CORO7: variants seen among roughly 807,000 people sequenced by gnomAD.
CORO7 encodes coronin-7.
Under a neutral mutation model 126.6 loss-of-function variants are expected in CORO7, and 107 were observed. The ratio of observed to expected loss-of-function variants is 0.85; its 90% confidence interval spans 0.72 to 0.99. The LOEUF (loss-of-function observed/expected upper bound fraction) is 0.99, where lower values mean the gene tolerates loss of function less well. Ranked by LOEUF, CORO7 falls within the 50% of genes least tolerant of loss-of-function variation. The pLI, the probability that CORO7 is intolerant of heterozygous loss-of-function variation, is 0.00. For missense variants in CORO7, 1,314 were observed against 1,255.8 expected (o/e 1.05, Z -0.70); for synonymous variants, 603 against 536.8 (o/e 1.12, Z -1.70).
intron 9 of CORO7, among the ~76,000 whole-genome samples, chr16:4,377,731 A>G (rs1346126174): frequency 6.6e-6 from 1 of 152,092 alleles, no homozygotes; most frequent in Non-Finnish European, 1.5e-5. Context: ...GTAGCTTACA[A>G]ACTCTGGGGT....
At chr16:4,385,189 A>G (rs1282401780) in intron 9 of CORO7, among the ~76,000 whole-genome samples, 1 of 152,154 alleles carries the variant, frequency 6.6e-6, no homozygotes, top group Non-Finnish European at 1.5e-5. Context: ...TGCTGACTGC[A>G]GCAGGCCCTG....
At chr16:4,364,225 G>A (rs369628790) in intron 14 of CORO7, 51 bp downstream of exon 14, 145 of 1,478,296 alleles carry the variant, frequency 9.8e-5, no homozygotes, top group Non-Finnish European at 1.2e-4. Flanking sequence ...AACACTCAGG[G>A]CAGCCACTGC....
At chr16:4,415,665 T>C (rs1183751276) in intron 1 of CORO7, 1 of 978,614 alleles carries the variant, frequency 1.0e-6, no homozygotes, top group African/African-American at 1.8e-5. Flanking sequence ...ATGGGGTCAC[T>C]TGAGGTCAAC....
chr16:4,372,382 G>A (rs986738398), intron 9 of CORO7, among the ~76,000 whole-genome samples: 7 of 152,246 alleles, frequency 4.6e-5, no homozygotes, highest in East Asian at 1.9e-4. Flanking sequence ...CCCTCCTGGG[G>A]TCCGGCAGTA....
intron 9 of CORO7, chr16:4,381,697 C>T (rs774961934): frequency 1.9e-5 from 31 of 1,608,104 alleles, no homozygotes; most frequent in Non-Finnish European, 2.6e-5. Flanking sequence ...TGTGAGCAAC[C>T]TAAGCCTGCA....
At chr16:4,357,902 T>C (rs1196783128) in intron 25 of CORO7, 66 bp downstream of exon 25, 8 of 1,541,734 alleles carry the variant, frequency 5.2e-6, no homozygotes, top group Non-Finnish European at 6.2e-6. Flanking sequence ...AACTTCAACC[T>C]GGGCCTTCTG....
intron 9 of CORO7, among the ~76,000 whole-genome samples, chr16:4,368,617 G>A (rs576020387): frequency 4.6e-5 from 7 of 151,422 alleles, no homozygotes; most frequent in East Asian, 2.0e-4. Flanking sequence ...GCATGGTGGC[G>A]TGCACCTGGA....
chr16:4,380,422 G>A (rs571638479), intron 9 of CORO7, among the ~76,000 whole-genome samples: 1 of 152,238 alleles, frequency 6.6e-6, no homozygotes, highest in African/African-American at 2.4e-5. Context: ...AGCAGGAGCC[G>A]GCGGCCAAGG....
At chr16:4,385,132 C>T (rs763395959) in intron 9 of CORO7, among the ~76,000 whole-genome samples, 40 of 152,198 alleles carry the variant, frequency 2.6e-4, no homozygotes, top group Non-Finnish European at 5.1e-4. Flanking sequence ...GACTCTAGGC[C>T]AGGGACCAGG....
At position 4,416,551 on chromosome 16, in the gene CORO7, G is replaced by A. The variant is rs771064655; in HGVS notation, c.-33C>T. 1.3e-6 allele frequency: 2 copies of A among 1,570,014 alleles called. No individual in the cohort carries two copies. The highest frequency in any genetic ancestry group is 2.8e-5 in the African/African-American group (2 of 70,638). On this transcript the variant is annotated 5_prime_UTR_variant, in exon 1 of 28. Transcript: ENST00000251166. ...GGCACGGCGGCGGACGCGTCTTCGA[G>A]GACCCCGGGCGTCGGGTCTCAGGTG...
chr16:4,399,478 T>C (rs2055723024), intron 6 of CORO7, among the ~76,000 whole-genome samples: 1 of 152,168 alleles, frequency 6.6e-6, no homozygotes. Flanking sequence ...GGAATGCCAA[T>C]TCCTAGGGGC....
chr16:4,403,474 G>A (rs1399768819), intron 6 of CORO7, among the ~76,000 whole-genome samples: 1 of 152,156 alleles, frequency 6.6e-6, no homozygotes, highest in Non-Finnish European at 1.5e-5. Context: ...CAGGGAAGGA[G>A]GGGGAGTCGT....
chr16:4,402,679 C>T (rs953495349), intron 6 of CORO7, among the ~76,000 whole-genome samples: 2 of 152,288 alleles, frequency 1.3e-5, no homozygotes, highest in African/African-American at 2.4e-5. Flanking sequence ...AGGAGCTTAA[C>T]GCGGGGTCCA....
chr16:4,363,469 G>C (rs1339680221), intron 14 of CORO7, among the ~76,000 whole-genome samples: 2 of 152,080 alleles, frequency 1.3e-5, no homozygotes, highest in East Asian at 3.9e-4. Context: ...CACTTTGGGA[G>C]GCCCAGGCAG....
chr16:4,407,716 G>T (rs369423080), intron 4 of CORO7, 32 bp from the exon 5 acceptor site: 1 of 1,534,530 alleles, frequency 6.5e-7, no homozygotes, highest in East Asian at 2.3e-5. Flanking sequence ...TGAGCACAGG[G>T]CTGAGGGCCT....
rs746150460 is a variant in CORO7 at position 4,364,737 on chromosome 16, C to T, written c.1044+38G>A. ...CTAGTGAGGCCCAGGCCCCCCGACT[C>T]CCCAGCCCCCGCAGTCCCTCGCCCA... On this transcript the variant is annotated intron_variant, in intron 12 of 27. Transcript: ENST00000251166. 1.4e-5 allele frequency: 23 copies of T among 1,596,178 alleles called. No homozygotes were observed. The Admixed American group carries it at 4.0e-4, about 27-fold the overall frequency.
At chr16:4,401,065 T>A (rs949428989) in intron 6 of CORO7, among the ~76,000 whole-genome samples, 4 of 152,082 alleles carry the variant, frequency 2.6e-5, no homozygotes, top group African/African-American at 9.7e-5. Flanking sequence ...CCCTGAGAGA[T>A]GAGTAGCCTC....
At position 4,408,269 on chromosome 16, in the gene CORO7, C is replaced by T; in HGVS notation, c.233-18G>A. ...GACTAGGTCTGTGGGAGAGGAATGG[C>T]TGAACCCACCGGAATGTCCTGTTTC... On this transcript the variant is annotated intron_variant, in intron 3 of 27. Coordinates refer to ENST00000251166, the MANE Select transcript of CORO7 (RefSeq NM_024535.5). 1.2e-6 allele frequency: 2 copies of T among 1,614,184 alleles called. No individual in the cohort carries two copies. Among genetic ancestry groups the T allele is most frequent in the Non-Finnish European group, 1.7e-6 (2 of 1,180,000 alleles).
chr16:4,399,872 T>A (rs1399235677), intron 6 of CORO7, among the ~76,000 whole-genome samples: 1 of 152,098 alleles, frequency 6.6e-6, no homozygotes, highest in East Asian at 1.9e-4. Context: ...TTTTATGATA[T>A]GTGTTTTCTT....
Sources: gnomAD v4.1 joint callset for allele counts (sites outside exome capture counted in the v4.1 genomes callset) on GRCh38, gnomAD v4.1.1 for gene constraint, MANE v1.5 for transcripts, NCBI Gene and HGNC (gene_info 2026-07-23, HGNC 2026-07-21) for gene names.